Variants in PID1 observed in about 807,000 individuals in gnomAD.
PID1 encodes the protein phosphotyrosine interaction domain containing 1.
PID1 carries 10 observed loss-of-function variants against 19.1 expected under a neutral mutation model. The ratio of observed to expected loss-of-function variants is 0.52; its 90% CI spans 0.32 to 0.89. The LOEUF (loss-of-function observed/expected upper bound fraction) is 0.89, where lower values mean the gene tolerates loss of function less well. PID1 is among the 40% of genes least tolerant of loss of function. PID1 has a pLI of 0.03. For synonymous variants in PID1, 130 were observed against 116.0 expected (o/e 1.12, Z -0.78); for missense variants, 248 against 285.3 (o/e 0.87, Z 0.94).
At chr2:229,044,496 C>A (rs772988930) in intron 2 of PID1, among the ~76,000 whole-genome samples, 3 of 152,188 alleles carry the variant, frequency 2.0e-5, no homozygotes, top group African/African-American at 7.2e-5. Flanking sequence ...TCCTTCCTAT[C>A]TTAGAGACAG....
chr2:229,179,696 T>C (rs1042983126), intron 1 of PID1, among the ~76,000 whole-genome samples: 3 of 151,854 alleles, frequency 2.0e-5, no homozygotes, highest in African/African-American at 7.3e-5. Flanking sequence ...AAAAAGCAGC[T>C]CTCCTCAAAG....
intron 2 of PID1, among the ~76,000 whole-genome samples, chr2:229,125,405 C>CAA (rs5839305): frequency 1.4e-5 from 2 of 144,354 alleles, no homozygotes; most frequent in Admixed American, 6.9e-5. Flanking sequence ...TTCAAGTAGC[C>CAA]AAAAAAAAAA....
intron 2 of PID1, among the ~76,000 whole-genome samples, chr2:229,060,524 T>C (rs1163736983): frequency 1.3e-5 from 2 of 152,178 alleles, no homozygotes; most frequent in African/African-American, 4.8e-5. Context: ...CATCTGATGA[T>C]GGACATGTAG....
intron 1 of PID1, among the ~76,000 whole-genome samples, chr2:229,252,567 T>C (rs1690182351): frequency 6.6e-6 from 1 of 152,172 alleles, no homozygotes; most frequent in Non-Finnish European, 1.5e-5. Context: ...GAGATCAGCA[T>C]TGAGCTTGAG....
At chr2:229,213,623 T>C (rs947207241) in intron 1 of PID1, among the ~76,000 whole-genome samples, 1 of 152,214 alleles carries the variant, frequency 6.6e-6, no homozygotes, top group Non-Finnish European at 1.5e-5. Context: ...AAACAGTCCA[T>C]TTTATGATCA....
intron 2 of PID1, among the ~76,000 whole-genome samples, chr2:229,028,908 AT>A (rs1383989920): frequency 2.0e-5 from 3 of 152,228 alleles, no homozygotes; most frequent in Non-Finnish European, 2.9e-5. Context: ...ATAAGTGGCT[AT>A]TATCAGTTCT....
rs1213677250 is a variant in PID1 at position 229,143,313 on chromosome 2, T to TTA, written c.177+12504_177+12505insTA. On this transcript the variant is annotated intron_variant, in intron 2 of 2. Transcript: ENST00000392055. ...TATACATATGTAACTAACCTGCACA[T>TTA]TGTGCACATGTACCCTAAAACTTAA... Among the ~76,000 whole-genome samples, 368 of 151,708 alleles carry TTA rather than the reference T, an allele frequency of 2.4e-3. 2 individuals are homozygous for TTA. The highest frequency in any genetic ancestry group is 8.4e-3 in the African/African-American group (347 of 41,326).
rs921359397 is a variant in PID1, at chr2:229,178,733, C to A, written c.31-22769G>T. Among the ~76,000 whole-genome samples the A allele has an allele frequency of 4.6e-5, 7 of 152,226 alleles. 3 individuals are homozygous for A. The highest frequency in any genetic ancestry group is 4.6e-4 in the Admixed American group (7 of 15,302). The stretch of plus-strand genomic sequence containing the variant: ...GAAATTAACCTTTGCCATTAAGTGT[C>A]AAATTCTGTACAGAGCTAGACTATG... On this transcript the variant is annotated intron_variant, in intron 1 of 2. Coordinates refer to ENST00000392055, the MANE Select transcript of PID1 (RefSeq NM_001100818.2).
intron 1 of PID1, among the ~76,000 whole-genome samples, chr2:229,213,682 G>A (rs1166970670): frequency 5.3e-5 from 8 of 152,078 alleles, no homozygotes; most frequent in Admixed American, 3.9e-4. Context: ...GCCTCTCAAA[G>A]GTAAACATTA....
intron 2 of PID1, among the ~76,000 whole-genome samples, chr2:229,139,355 A>G (rs949281929): frequency 1.3e-4 from 20 of 152,182 alleles, no homozygotes; most frequent in African/African-American, 4.6e-4. Flanking sequence ...CTAAAGACAA[A>G]CGACTACAGA....
chr2:229,112,180 G>A (rs1242110283), intron 2 of PID1, among the ~76,000 whole-genome samples: 1 of 152,190 alleles, frequency 6.6e-6, no homozygotes, highest in Non-Finnish European at 1.5e-5. Context: ...AGTTCACACT[G>A]ATCCACATAA....
intron 2 of PID1, among the ~76,000 whole-genome samples, chr2:229,150,042 A>C (rs1690217232): frequency 6.6e-6 from 1 of 152,102 alleles, no homozygotes; most frequent in Non-Finnish European, 1.5e-5. Context: ...GTGCGAGACC[A>C]GCCTGGCCAA....
intron 1 of PID1, among the ~76,000 whole-genome samples, chr2:229,213,662 A>G (rs1400978510): frequency 6.6e-6 from 1 of 152,204 alleles, no homozygotes; most frequent in African/African-American, 2.4e-5. Flanking sequence ...TTTAAGTCAT[A>G]TATCCCTGTG....
intron 1 of PID1, among the ~76,000 whole-genome samples, chr2:229,171,482 T>C (rs1198335151): frequency 1.3e-5 from 2 of 152,210 alleles, no homozygotes; most frequent in African/African-American, 4.8e-5. Flanking sequence ...GCAATTCTAA[T>C]ATTCTGTGGG....
chr2:229,145,616 G>T (rs890670070), intron 2 of PID1, among the ~76,000 whole-genome samples: 3 of 152,092 alleles, frequency 2.0e-5, no homozygotes, highest in African/African-American at 7.2e-5. Flanking sequence ...TCTCAGACAT[G>T]CATATTATAC....
intron 2 of PID1, among the ~76,000 whole-genome samples, chr2:229,134,530 C>G (rs1689819343): frequency 6.6e-6 from 1 of 152,016 alleles, no homozygotes; most frequent in South Asian, 2.1e-4. Flanking sequence ...GCATGAGCCA[C>G]CACACCTGGC....
intron 1 of PID1, among the ~76,000 whole-genome samples, chr2:229,234,523 C>T (rs1370281897): frequency 6.6e-6 from 1 of 152,162 alleles, no homozygotes; most frequent in Non-Finnish European, 1.5e-5. Context: ...TAACTCAGCC[C>T]TAACAACACC....
intron 1 of PID1, among the ~76,000 whole-genome samples, chr2:229,185,780 G>A (rs1196599782): frequency 6.6e-6 from 1 of 152,054 alleles, no homozygotes; most frequent in East Asian, 1.9e-4. Context: ...TGAGATTTTG[G>A]GTGGGGACAT....
intron 2 of PID1, among the ~76,000 whole-genome samples, chr2:229,083,922 G>C (rs964848925): frequency 5.3e-5 from 8 of 152,226 alleles, no homozygotes; most frequent in African/African-American, 1.7e-4. Flanking sequence ...TAGCTAAGGA[G>C]TTCAATGGCT....
Sources: allele counts gnomAD v4.1 joint callset (sites outside exome capture counted in the v4.1 genomes callset), GRCh38; gene constraint gnomAD v4.1.1; transcripts MANE v1.5; gene names NCBI Gene and HGNC (gene_info 2026-07-23, HGNC 2026-07-21).